PTPRT: variants seen among roughly 807,000 people sequenced by gnomAD.
PTPRT encodes receptor-type tyrosine-protein phosphatase T.
Under a neutral mutation model 176.8 loss-of-function variants are expected in PTPRT, and 56 were observed. The observed-to-expected ratio is 0.32, with a 90% CI of 0.26 to 0.40. The LOEUF is 0.40. Ranked by LOEUF, PTPRT falls within the 10% of genes least tolerant of loss-of-function variation. PTPRT has a pLI of 1.00. For missense variants in PTPRT, 1,540 were observed against 1,908.2 expected, an observed-to-expected ratio of 0.81 and a Z score of 3.60; for synonymous variants, 783 against 739.0, an observed-to-expected ratio of 1.06 and a Z score of -0.96.
chr20:42,986,990 C>T lies in PTPRT; in HGVS notation c.89-101058G>A, dbSNP rs528349849. On this transcript the variant is annotated intron_variant, in intron 1 of 30. Transcript: ENST00000373187. Reference sequence around the variant, plus strand: ...TAGACCAGGTAGAAACAAACACACACTGACTCCCGCTTCAGCGGTTCCAAT... The same window carrying T: ...TAGACCAGGTAGAAACAAACACACATTGACTCCCGCTTCAGCGGTTCCAAT... Among the ~76,000 whole-genome samples the T allele has an allele frequency of 5.3e-5, 8 of 152,312 alleles. No homozygotes were observed. The South Asian group carries it at 1.7e-3, about 32-fold the overall frequency.
In PTPRT at chr20:42,285,877, T is replaced by C. The variant is rs556910808; in HGVS notation, c.2140-3352A>G. Among the ~76,000 whole-genome samples the C allele has an allele frequency of 1.1e-4, 16 of 152,068 alleles. No homozygotes were observed. The South Asian group carries it at 3.1e-3, about 30-fold the overall frequency. On this transcript the variant is annotated intron_variant, in intron 12 of 30. Transcript: ENST00000373187. ...AAAATCAACATACAAAAATCAGTAA[T>C]GTTTCTATACATGAATAAACTACCT... is the stretch of plus-strand genomic sequence containing the variant.
At chr20:42,947,778 A>T (rs748870558) in intron 1 of PTPRT, among the ~76,000 whole-genome samples, 1 of 151,516 alleles carries the variant, frequency 6.6e-6, no homozygotes, top group South Asian at 2.1e-4. Flanking sequence ...GCATGAGGCC[A>T]CCCCACCCCA....
chr20:42,453,899 A>G (rs1055527226), intron 8 of PTPRT, among the ~76,000 whole-genome samples: 1 of 149,308 alleles, frequency 6.7e-6, no homozygotes. Flanking sequence ...GGGTTTCACT[A>G]TGTTGGCCAG....
chr20:42,460,068 C>T (rs1648922370), intron 8 of PTPRT, among the ~76,000 whole-genome samples: 1 of 152,204 alleles, frequency 6.6e-6, no homozygotes, highest in Admixed American at 6.5e-5. Flanking sequence ...AGGAGGATCA[C>T]AGGCTCAGTT....
At chr20:42,513,319 T>A (rs1426139767) in intron 7 of PTPRT, among the ~76,000 whole-genome samples, 1 of 151,870 alleles carries the variant, frequency 6.6e-6, no homozygotes, top group Non-Finnish European at 1.5e-5. Context: ...TTTTGTTAAT[T>A]TCTGGATACC....
At chr20:42,100,354 G>A (rs754888723) in intron 26 of PTPRT, among the ~76,000 whole-genome samples, 1 of 152,158 alleles carries the variant, frequency 6.6e-6, no homozygotes, top group African/African-American at 2.4e-5. Flanking sequence ...TTAACCCAGA[G>A]GACTTCATAT....
At chr20:43,013,257 T>C (rs910157485) in intron 1 of PTPRT, among the ~76,000 whole-genome samples, 2 of 152,240 alleles carry the variant, frequency 1.3e-5, no homozygotes, top group South Asian at 4.1e-4. Context: ...GCTAACGAAG[T>C]GTGGATTCGC....
At chr20:43,068,923 AG>A (rs1235202943) in intron 1 of PTPRT, among the ~76,000 whole-genome samples, 1 of 152,226 alleles carries the variant, frequency 6.6e-6, no homozygotes, top group African/African-American at 2.4e-5. Flanking sequence ...CTGGAGTTGC[AG>A]GGTAGCAGTA....
intron 9 of PTPRT, among the ~76,000 whole-genome samples, chr20:42,429,083 A>T (rs2059192913): frequency 6.6e-6 from 1 of 152,190 alleles, no homozygotes; most frequent in Non-Finnish European, 1.5e-5. Flanking sequence ...ATTCACACTT[A>T]GTAGGAATCT....
Position 42,332,552 on chromosome 20 carries a change from T to G in PTPRT, c.1866-16556A>C, listed in dbSNP as rs1224304627. On this transcript the variant is annotated intron_variant, in intron 11 of 30. Coordinates refer to ENST00000373187, the MANE Select transcript of PTPRT (RefSeq NM_007050.6). The stretch of plus-strand genomic sequence containing the variant: ...TGATTGCTTGAACTGAATGCTAAAC[T>G]AGCCACATTTTTCATGAGGTACCTT... 2.0e-5 allele frequency among the ~76,000 whole-genome samples: 3 copies of G among 152,250 alleles called. No individual in the cohort carries two copies. The East Asian group carries it at 5.8e-4, about 29-fold the overall frequency.
At chr20:42,350,751 G>A (rs1213218378) in intron 10 of PTPRT, 21 bp from the exon 11 acceptor site, 1 of 1,567,036 alleles carries the variant, frequency 6.4e-7, no homozygotes, top group Non-Finnish European at 8.8e-7. Context: ...AACAGAGAGT[G>A]CAGGTGAGTT....
intron 1 of PTPRT, among the ~76,000 whole-genome samples, chr20:42,894,591 C>A (rs754283957): frequency 6.6e-6 from 1 of 152,078 alleles, no homozygotes; most frequent in South Asian, 2.1e-4. Context: ...TGAACCCAGA[C>A]TAGCTCAGTC....
rs544401186 is a variant in PTPRT at position 42,075,970 on chromosome 20, T to C, written c.*4909A>G. 4.5e-6 allele frequency: 1 copy of C among 222,734 alleles called. No homozygotes were observed. The highest frequency in any genetic ancestry group is 1.8e-4 in the South Asian group (1 of 5,424). The allele number at this position is 222,734 out of a possible 1,614,324, so 13.8% of individuals were successfully genotyped here. A position where few individuals can be genotyped will look rare whatever the true frequency, so the allele number is the denominator to read the frequency against. ...CTAAATAAGTCATCTGCATCCTCGG[T>C]TCTGAGTATTCACTGGGTTCCAGTT... On this transcript the variant is annotated 3_prime_UTR_variant, in exon 31 of 31. Transcript: ENST00000373187.
At chr20:42,344,022 C>G (rs1382965164) in intron 11 of PTPRT, among the ~76,000 whole-genome samples, 9 of 152,238 alleles carry the variant, frequency 5.9e-5, no homozygotes, top group African/African-American at 2.2e-4. Context: ...GCCTCAGCCT[C>G]TCAACTAGCT....
chr20:42,883,685 A>ACCCACACCCCCATACACATG (rs2079041631), intron 2 of PTPRT, among the ~76,000 whole-genome samples: 1 of 147,396 alleles, frequency 6.8e-6, no homozygotes, highest in African/African-American at 2.5e-5. Flanking sequence ...ACACGGACAC[A>ACCCACACCCCCATACACATG]CACACACACC....
intron 4 of PTPRT, among the ~76,000 whole-genome samples, chr20:42,775,504 C>T (rs2077122806): frequency 6.6e-6 from 1 of 152,136 alleles, no homozygotes; most frequent in African/African-American, 2.4e-5. Flanking sequence ...CTGCTAATGG[C>T]TAACACTGAG....
intron 1 of PTPRT, among the ~76,000 whole-genome samples, chr20:43,090,854 T>C (rs2146305861): frequency 6.6e-6 from 1 of 151,772 alleles, no homozygotes; most frequent in African/African-American, 2.4e-5. Context: ...ACCAAAAATA[T>C]ATATATACTT....
In PTPRT at chr20:42,436,138, A is replaced by T. The variant is rs2059260191; in HGVS notation, c.1560+12082T>A. Among the ~76,000 whole-genome samples, 3 of 152,246 alleles carry T rather than the reference A, an allele frequency of 2.0e-5. No individual in the cohort carries two copies. The South Asian group carries it at 6.2e-4, about 31-fold the overall frequency. On this transcript the variant is annotated intron_variant, in intron 9 of 30. Transcript: ENST00000373187. ...AAACTTAAATTTCAGGAGCAAAACT[A>T]TGCAACTTTTAGCAGAAATATAGGC...
intron 25 of PTPRT, 78 bp from the exon 26 acceptor site, chr20:42,102,375 T>C (rs1035783730): frequency 1.4e-6 from 2 of 1,467,660 alleles, no homozygotes; most frequent in Non-Finnish European, 1.9e-6. Flanking sequence ...ATGTTCCAAC[T>C]CAGCCTAACT....
Sources: gnomAD v4.1 joint callset for allele counts (sites outside exome capture counted in the v4.1 genomes callset) on GRCh38, gnomAD v4.1.1 for gene constraint, MANE v1.5 for transcripts, NCBI Gene and HGNC (gene_info 2026-07-23, HGNC 2026-07-21) for gene names.